TRMT11: variants seen among roughly 807,000 people sequenced by gnomAD.
TRMT11 encodes tRNA methyltransferase 11.
Under a neutral mutation model 62.8 loss-of-function variants are expected in TRMT11, and 53 were observed. The observed-to-expected ratio is 0.84, with a 90% CI of 0.68 to 1.06. The LOEUF (loss-of-function observed/expected upper bound fraction) is 1.06. Ranked by LOEUF, TRMT11 falls within the 50% of genes least tolerant of loss-of-function variation. The pLI is 0.00. For missense variants in TRMT11, 556 were observed against 553.4 expected (o/e 1.00, Z -0.05); for synonymous variants, 188 against 190.3 (o/e 0.99, Z 0.10).
intron 7 of TRMT11, among the ~76,000 whole-genome samples, chr6:126,006,251 T>A (rs1009380083): frequency 2.0e-5 from 3 of 152,022 alleles, no homozygotes; most frequent in Non-Finnish European, 2.9e-5. Context: ...ATTCTTTTTT[T>A]AAAAAAGATA....
the TRMT11 span, among the ~76,000 whole-genome samples, chr6:126,237,135 A>G: frequency 3.3e-5 from 5 of 152,116 alleles, no homozygotes; most frequent in Admixed American, 6.5e-5. Context: ...ACCTCTCAGA[A>G]TAAGCATCAA....
the TRMT11 span, among the ~76,000 whole-genome samples, chr6:126,222,555 ATTCC>A: frequency 2.2e-3 from 328 of 151,892 alleles, no homozygotes; most frequent in African/African-American, 7.5e-3. Context: ...GGTTAGCTGC[ATTCC>A]TAGGTATTTT....
chr6:126,232,140 A>G, the TRMT11 span, among the ~76,000 whole-genome samples: 2 of 151,634 alleles, frequency 1.3e-5, no homozygotes, highest in African/African-American at 4.9e-5. Context: ...ACTGAGAGAC[A>G]TTTGTGTTTG....
intron 1 of TRMT11, among the ~76,000 whole-genome samples, chr6:126,191,464 C>CTTTTT (rs77414207): frequency 2.2e-3 from 222 of 102,184 alleles, no homozygotes; most frequent in East Asian, 3.2e-3. Context: ...TCCTACTTGT[C>CTTTTT]TTTTTTTTTT....
At chr6:126,184,386 C>T (rs1778503211) in intron 1 of TRMT11, among the ~76,000 whole-genome samples, 1 of 152,150 alleles carries the variant, frequency 6.6e-6, no homozygotes, top group Non-Finnish European at 1.5e-5. Flanking sequence ...CATTAGGTGA[C>T]AATGTTCTTA....
chr6:126,160,928 A>G (rs182857753), intron 21 of TRMT11, among the ~76,000 whole-genome samples: 1 of 152,208 alleles, frequency 6.6e-6, no homozygotes, highest in African/African-American at 2.4e-5. Flanking sequence ...AGAAAGAAAT[A>G]AAAGTACAGA....
chr6:126,204,127 A>C (rs182843583), downstream of TRMT11, among the ~76,000 whole-genome samples: 13 of 152,364 alleles, frequency 8.5e-5, no homozygotes, highest in Admixed American at 2.6e-4. Flanking sequence ...GGCATTAAAG[A>C]AATAATTATA....
intron 17 of TRMT11, among the ~76,000 whole-genome samples, chr6:126,083,737 T>A (rs1777185407): frequency 6.6e-6 from 1 of 152,168 alleles, no homozygotes; most frequent in African/African-American, 2.4e-5. Flanking sequence ...GTCATACATA[T>A]CTGCTACTCT....
the TRMT11 span, among the ~76,000 whole-genome samples, chr6:126,229,955 AG>A: frequency 1.3e-5 from 2 of 152,182 alleles, no homozygotes; most frequent in African/African-American, 4.8e-5. Context: ...GGAATAAAAA[AG>A]CTGTCTTCTT....
downstream of TRMT11, among the ~76,000 whole-genome samples, chr6:126,204,582 TATGTATG>T (rs756488057): frequency 0.024 from 3,724 of 152,352 alleles, 72 homozygotes; most frequent in Middle Eastern, 0.065. Context: ...TCTGTACTTA[TATGTATG>T]TGTTCCCCTC....
intron 17 of TRMT11, among the ~76,000 whole-genome samples, chr6:126,108,528 AT>A (rs903481670): frequency 6.6e-6 from 1 of 152,210 alleles, no homozygotes; most frequent in African/African-American, 2.4e-5. Flanking sequence ...GGTAAGTAGT[AT>A]TATCACACTC....
At chr6:126,271,092 G>A in the TRMT11 span, among the ~76,000 whole-genome samples, 1 of 152,026 alleles carries the variant, frequency 6.6e-6, no homozygotes, top group African/African-American at 2.4e-5. Context: ...AGCTGGGTGT[G>A]GTGGCTTACA....
At chr6:126,238,145 T>G in the TRMT11 span, among the ~76,000 whole-genome samples, 1 of 152,220 alleles carries the variant, frequency 6.6e-6, no homozygotes, top group East Asian at 1.9e-4. Flanking sequence ...ATTTTGTTGA[T>G]CTTTTCAAGA....
intron 17 of TRMT11, among the ~76,000 whole-genome samples, chr6:126,060,211 G>A (rs1776491534): frequency 6.6e-6 from 1 of 152,148 alleles, no homozygotes; most frequent in Admixed American, 6.6e-5. Flanking sequence ...TTCATGCGGT[G>A]GACCTGGTTG....
chr6:126,264,734 T>C, the TRMT11 span, among the ~76,000 whole-genome samples: 1 of 152,176 alleles, frequency 6.6e-6, no homozygotes, highest in Admixed American at 6.5e-5. Flanking sequence ...ATTTGGACTT[T>C]CTCTGCAACA....
the TRMT11 span, among the ~76,000 whole-genome samples, chr6:126,264,937 C>T: frequency 2.0e-4 from 31 of 152,060 alleles, no homozygotes; most frequent in South Asian, 2.1e-4. Context: ...GCTCATGTTC[C>T]TCTGGAGAAC....
chr6:125,990,233 T>A (rs1482689914), intron 1 of TRMT11, among the ~76,000 whole-genome samples: 1 of 152,200 alleles, frequency 6.6e-6, no homozygotes, highest in Non-Finnish European at 1.5e-5. Context: ...TGAAAATTTA[T>A]TTGAAAAAAT....
chr6:126,174,331 ATG>A, upstream of TRMT11, among the ~76,000 whole-genome samples: 2 of 152,360 alleles, frequency 1.3e-5, no homozygotes, highest in South Asian at 4.1e-4. Flanking sequence ...TGCTGGTTAA[ATG>A]TCAGGAAGCC....
At chr6:126,029,406 T>G (rs2056395511) in intron 12 of TRMT11, among the ~76,000 whole-genome samples, 1 of 152,158 alleles carries the variant, frequency 6.6e-6, no homozygotes, top group Non-Finnish European at 1.5e-5. Flanking sequence ...CCCCCTGCAA[T>G]GTAACCACTA....
Sources: allele counts gnomAD v4.1 joint callset (sites outside exome capture counted in the v4.1 genomes callset), GRCh38; gene constraint gnomAD v4.1.1; transcripts MANE v1.5; gene names NCBI Gene and HGNC (gene_info 2026-07-23, HGNC 2026-07-21).